The following MEDAG variants were observed in gnomAD, a reference collection of about 807,000 sequenced individuals.
MEDAG encodes the protein mesenteric estrogen-dependent adipogenesis protein.
A neutral mutation model predicts 29.9 loss-of-function variants in MEDAG; 25 were observed. The ratio of observed to expected loss-of-function variants is 0.84; its 90% CI spans 0.61 to 1.17. MEDAG has a LOEUF of 1.17. MEDAG is among the 50% of genes most tolerant of loss of function. The pLI is 0.00. For missense variants in MEDAG, 398 were observed against 372.9 expected, an observed-to-expected ratio of 1.07 and a Z score of -0.56; for synonymous variants, 158 against 148.2, an observed-to-expected ratio of 1.07 and a Z score of -0.48.
intron 4 of MEDAG, 45 bp downstream of exon 4, chr13:30,921,891 A>G: frequency 6.5e-7 from 1 of 1,534,830 alleles, no homozygotes; most frequent in Non-Finnish European, 8.7e-7. Context: ...AGTTAAATAA[A>G]AGGGTAGAGT....
intron 2 of MEDAG, among the ~76,000 whole-genome samples, chr13:30,917,970 C>G (rs1952945733): frequency 6.6e-6 from 1 of 152,132 alleles, no homozygotes; most frequent in African/African-American, 2.4e-5. Flanking sequence ...GACTGATGAG[C>G]AGGGCAGAAA....
chr13:30,910,216 A>ACACACACG (rs1435610549), intron 1 of MEDAG, among the ~76,000 whole-genome samples: 1 of 151,760 alleles, frequency 6.6e-6, no homozygotes, highest in South Asian at 2.1e-4. Context: ...ACACACACAC[A>ACACACACG]CATGTTTTTT....
At chr13:30,907,646 T>C (rs896286435) in intron 1 of MEDAG, among the ~76,000 whole-genome samples, 10 of 152,154 alleles carry the variant, frequency 6.6e-5, no homozygotes, top group African/African-American at 2.4e-4. Flanking sequence ...GGGCCTGGAG[T>C]GCAAAGACCT....
Position 30,915,169 on chromosome 13 carries a change from C to T in MEDAG, c.279-2234C>T, listed in dbSNP as rs572018197. 3.3e-5 allele frequency among the ~76,000 whole-genome samples: 5 copies of T among 152,262 alleles called. No individual in the cohort carries two copies. In the East Asian group the frequency reaches 9.6e-4, roughly 29 times the overall value. On this transcript the variant is annotated intron_variant, in intron 1 of 4. Transcript: ENST00000380482. Reference sequence around the variant, plus strand: ...TTTTCTCCCTCTGTATCCTCACCCCCCACGTAACAACATACTTCACCTTCT... The same window carrying T: ...TTTTCTCCCTCTGTATCCTCACCCCTCACGTAACAACATACTTCACCTTCT...
intron 1 of MEDAG, among the ~76,000 whole-genome samples, chr13:30,913,626 G>T (rs1042733138): frequency 6.6e-6 from 1 of 152,056 alleles, no homozygotes; most frequent in Admixed American, 6.6e-5. Context: ...GAAGAAATGA[G>T]ATTTTAAAGA....
At chr13:30,923,304 C>T (rs1953006522) in intron 4 of MEDAG, among the ~76,000 whole-genome samples, 1 of 152,120 alleles carries the variant, frequency 6.6e-6, no homozygotes, top group Non-Finnish European at 1.5e-5. Flanking sequence ...GTCTCTTTCT[C>T]TTTTCCTCCC....
Position 30,906,669 on chromosome 13 carries a change from G to C in MEDAG, c.154G>C (p.Gly52Arg), listed in dbSNP as rs1376906195. 4 of 1,557,726 alleles carry C rather than the reference G, an allele frequency of 2.6e-6. No individual in the cohort carries two copies. The highest frequency in any genetic ancestry group is 3.4e-6 in the Non-Finnish European group (4 of 1,159,520). Reference protein sequence around the residue: ...RLQPGAFQLSGDQLVVARPGE... With the variant: ...RLQPGAFQLSRDQLVVARPGE... ...GCAGCCCGGTGCCTTCCAGCTGAGC[G>C]GCGACCAGCTCGTGGTGGCCAGGCC... The change falls in exon 1 of 5, where the codon GGC becomes CGC. Residue 52 changes from glycine (G) to arginine (R), a missense_variant. Transcript: ENST00000380482.
intron 4 of MEDAG, chr13:30,922,131 ATTTAAATAT>A (rs1321430536): frequency 9.9e-5 from 23 of 231,450 alleles, no homozygotes; most frequent in Non-Finnish European, 1.9e-4. Context: ...ATTGATGATC[ATTTAAATAT>A]TATTGGCAAT....
At chr13:30,921,881 A>C (rs1024973117) in intron 4 of MEDAG, 35 bp downstream of exon 4, 1 of 1,551,450 alleles carries the variant, frequency 6.4e-7, no homozygotes, top group African/African-American at 1.4e-5. Context: ...TGTGGAAGGT[A>C]GTTAAATAAA....
chr13:30,907,339 C>G (rs1011580775), intron 1 of MEDAG, among the ~76,000 whole-genome samples: 16 of 152,204 alleles, frequency 1.1e-4, no homozygotes, highest in Admixed American at 7.9e-4. Flanking sequence ...CAAAAGTAAA[C>G]AAATAAACCG....
chr13:30,912,701 T>C (rs1313848324), intron 1 of MEDAG, among the ~76,000 whole-genome samples: 1 of 152,214 alleles, frequency 6.6e-6, no homozygotes. Context: ...TGCTCTTTTT[T>C]GGTCCTCCTT....
Position 30,906,792 on chromosome 13 carries a change from A to T in MEDAG, c.277A>T (p.Arg93Trp), listed in dbSNP as rs1952835592. ...QLYRLSSYIK[R>W]YVELTNYCDY... Reference sequence around the variant, plus strand: ...CTACCGCCTCAGCAGCTACATCAAGAGGTGGGTGGCCTCGCCGTGCGCCCT... The same window carrying T: ...CTACCGCCTCAGCAGCTACATCAAGTGGTGGGTGGCCTCGCCGTGCGCCCT... The change falls in exon 1 of 5, where the codon AGG becomes TGG. Residue 93 changes from arginine (R) to tryptophan (W), a missense_variant and splice_region_variant. By Grantham distance (101) the Arg-to-Trp change is moderately radical. Coordinates refer to ENST00000380482, the MANE Select transcript of MEDAG (RefSeq NM_032849.4). 11 of 1,481,566 alleles carry T rather than the reference A, an allele frequency of 7.4e-6. No homozygotes were observed. Among genetic ancestry groups the T allele is most frequent in the African/African-American group, 1.4e-5 (1 of 69,006 alleles). 91.8% of individuals were successfully genotyped at this position (1,481,566 alleles called of 1,614,324 possible).
Position 30,915,638 on chromosome 13 carries a change from A to T in MEDAG, c.279-1765A>T, listed in dbSNP as rs997260405. Among the ~76,000 whole-genome samples the T allele has an allele frequency of 2.6e-5, 4 of 152,044 alleles. No individual in the cohort carries two copies. The South Asian group carries it at 8.3e-4, about 32-fold the overall frequency. ...GGGCAGGAAAATTCTCTCCCAGCTG[A>T]TGTGCAACACCAGCACCACTCCCCT... On this transcript the variant is annotated intron_variant, in intron 1 of 4. Coordinates refer to ENST00000380482, the MANE Select transcript of MEDAG (RefSeq NM_032849.4).
At chr13:30,910,024 G>A (rs990680447) in intron 1 of MEDAG, among the ~76,000 whole-genome samples, 7 of 152,098 alleles carry the variant, frequency 4.6e-5, no homozygotes, top group Non-Finnish European at 8.8e-5. Context: ...CTATTTTGTA[G>A]GATTTATGGC....
chr13:30,921,515 G>T, intron 3 of MEDAG, 46 bp from the exon 4 acceptor site: 2 of 1,526,992 alleles, frequency 1.3e-6, no homozygotes, highest in Non-Finnish European at 8.8e-7. Context: ...ATGTCAACAG[G>T]ATACTTATGT....
Position 30,913,351 on chromosome 13 carries a change from G to A in MEDAG, c.279-4052G>A, listed in dbSNP as rs550047548. Among the ~76,000 whole-genome samples the A allele has an allele frequency of 2.6e-5, 4 of 152,212 alleles. No individual in the cohort carries two copies. In the East Asian group the frequency reaches 7.7e-4, roughly 29 times the overall value. ...CCACCTCAGCCTCCTGAGTTGCTAGGAGTATAGGCATGCACCACCACACCT... is the reference window on the plus strand; with the variant it reads ...CCACCTCAGCCTCCTGAGTTGCTAGAAGTATAGGCATGCACCACCACACCT... On this transcript the variant is annotated intron_variant, in intron 1 of 4. Coordinates refer to ENST00000380482, the MANE Select transcript of MEDAG (RefSeq NM_032849.4).
At chr13:30,907,315 C>A (rs1040776708) in intron 1 of MEDAG, among the ~76,000 whole-genome samples, 1 of 152,228 alleles carries the variant, frequency 6.6e-6, no homozygotes, top group Admixed American at 6.5e-5. Context: ...CATCTCTGGC[C>A]TCACTTCGTG....
chr13:30,919,897 T>C (rs1952966349), intron 2 of MEDAG, among the ~76,000 whole-genome samples: 1 of 152,116 alleles, frequency 6.6e-6, no homozygotes, highest in Admixed American at 6.5e-5. Flanking sequence ...TTAATACCAT[T>C]TTATATTTCC....
rs767896228 is a variant in MEDAG, at chr13:30,924,446, C to T, written c.*11C>T. On this transcript the variant is annotated 3_prime_UTR_variant, in exon 5 of 5. Transcript: ENST00000380482. ...AACCAATTTATCTGATTGAACTGAA[C>T]ATTGTAGCAGTTGCTCCCGCACTCC... 9.3e-6 allele frequency: 15 copies of T among 1,613,104 alleles called. No individual in the cohort carries two copies. In the African/African-American group the frequency reaches 1.9e-4, roughly 20 times the overall value.
Sources: gnomAD v4.1 joint callset for allele counts (sites outside exome capture counted in the v4.1 genomes callset) on GRCh38, gnomAD v4.1.1 for gene constraint, MANE v1.5 for transcripts, NCBI Gene and HGNC (gene_info 2026-07-23, HGNC 2026-07-21) for gene names.